The following KANSL2 variants were observed in gnomAD, a reference collection of about 807,000 sequenced individuals.
KANSL2 encodes the protein NSL complex protein NSL2.
Under a neutral mutation model 55.6 loss-of-function variants are expected in KANSL2, and 34 were observed. The observed-to-expected ratio is 0.61, with a 90% CI of 0.46 to 0.81. The LOEUF is 0.81. Ranked by LOEUF, KANSL2 falls within the 40% of genes least tolerant of loss-of-function variation. The pLI is 0.00. For missense variants in KANSL2, 502 were observed against 609.9 expected (o/e 0.82, Z 1.86); for synonymous variants, 209 against 214.3 (o/e 0.98, Z 0.22).
chr12:48,667,405 C>T, intron 7 of KANSL2: 1 of 413,536 alleles, frequency 2.4e-6, no homozygotes, highest in Non-Finnish European at 4.7e-6. Context: ...TATTTTGGGA[C>T]CCAAGTATTA....
At chr12:48,675,560 G>A (rs1254009316) in intron 4 of KANSL2, among the ~76,000 whole-genome samples, 1 of 152,142 alleles carries the variant, frequency 6.6e-6, no homozygotes. Flanking sequence ...TACTGAAAAT[G>A]AGAAAAATAA....
At chr12:48,674,824 G>A (rs1041089408) in intron 4 of KANSL2, among the ~76,000 whole-genome samples, 9 of 151,990 alleles carry the variant, frequency 5.9e-5, no homozygotes, top group African/African-American at 2.2e-4. Flanking sequence ...TACTCGGGAG[G>A]CTGAGGCAGG....
chr12:48,670,611 GTGTT>G (rs1939693922), intron 5 of KANSL2, among the ~76,000 whole-genome samples: 1 of 152,080 alleles, frequency 6.6e-6, no homozygotes, highest in East Asian at 1.9e-4. Context: ...CAGCTGTACA[GTGTT>G]TGTGTTTTAA....
intron 4 of KANSL2, among the ~76,000 whole-genome samples, chr12:48,677,538 T>C (rs180919140): frequency 5.9e-5 from 9 of 152,168 alleles, no homozygotes; most frequent in Admixed American, 1.3e-4. Context: ...TCCCAGCACT[T>C]TGGGAGGCCG....
At chr12:48,654,755 G>C (rs1299849924) in intron 9 of KANSL2, among the ~76,000 whole-genome samples, 186 bp downstream of exon 9, 2 of 152,214 alleles carry the variant, frequency 1.3e-5, no homozygotes, top group Non-Finnish European at 1.5e-5. Flanking sequence ...GTACACAGGA[G>C]CAGAGTAGGG....
intron 7 of KANSL2, among the ~76,000 whole-genome samples, chr12:48,663,967 G>A (rs1592100534): frequency 1.4e-5 from 2 of 144,102 alleles, no homozygotes; most frequent in East Asian, 4.1e-4. Flanking sequence ...GCCCAGGCTG[G>A]AGTGCAATGG....
At chr12:48,660,227 A>G (rs1939462881) in intron 8 of KANSL2, 139 bp downstream of exon 8, 1 of 797,478 alleles carries the variant, frequency 1.3e-6, no homozygotes, top group East Asian at 2.7e-5. Flanking sequence ...ATATGCTAAC[A>G]TATAAATACA....
intron 6 of KANSL2, among the ~76,000 whole-genome samples, chr12:48,668,341 T>C (rs1439833585): frequency 2.6e-5 from 4 of 152,240 alleles, no homozygotes; most frequent in African/African-American, 4.8e-5. Context: ...ATGAGAATAC[T>C]GAGGCCCAGA....
chr12:48,654,839 G>A (rs1002894069), intron 9 of KANSL2, 102 bp downstream of exon 9: 2 of 1,204,018 alleles, frequency 1.7e-6, no homozygotes, highest in African/African-American at 3.0e-5. Context: ...TACTAGTGAT[G>A]ACACCCCACT....
rs55764309 is a variant in KANSL2 at position 48,670,198 on chromosome 12, C to CAAA, written c.710-929_710-927dup. Among the ~76,000 whole-genome samples the CAAA allele has an allele frequency of 4.9e-3, 504 of 103,584 alleles. 6 individuals carry two copies. The highest frequency in any genetic ancestry group is 0.013 in the Middle Eastern group (2 of 158). The allele number at this position is 103,584 out of a possible 152,430, so 68.0% of individuals were successfully genotyped here. Reference sequence around the variant, plus strand: ...CTGGCGACAGAGTGAGACTATATCACAAAAAAAAAAAAAAAAATCTAGCAC... The same window carrying CAAA: ...CTGGCGACAGAGTGAGACTATATCACAAAAAAAAAAAAAAAAAAAATCTAGCAC... On this transcript the variant is annotated intron_variant, in intron 5 of 9. Coordinates refer to ENST00000420613, the MANE Select transcript of KANSL2 (RefSeq NM_017822.4).
At chr12:48,665,985 G>A (rs1939590458) in intron 7 of KANSL2, among the ~76,000 whole-genome samples, 1 of 152,168 alleles carries the variant, frequency 6.6e-6, no homozygotes, top group East Asian at 1.9e-4. Flanking sequence ...GGCTGAGGCG[G>A]GAGGATCACA....
intron 4 of KANSL2, among the ~76,000 whole-genome samples, chr12:48,676,228 G>A (rs1046706805): frequency 6.6e-6 from 1 of 152,016 alleles, no homozygotes; most frequent in Non-Finnish European, 1.5e-5. Context: ...TGAGCCTCTC[G>A]AGTAGTTAAG....
rs1226206090 is a variant in KANSL2, at chr12:48,667,715, T to C, written c.951A>G (p.Pro317=). The C allele has an allele frequency of 1.9e-6, 3 of 1,613,718 alleles. No individual in the cohort carries two copies. The highest frequency in any genetic ancestry group is 1.1e-5 in the South Asian group (1 of 91,062). The change falls in exon 7 of 10, where the codon CCA becomes CCG. Residue 317 remains proline, a synonymous_variant. Coordinates refer to ENST00000420613, the MANE Select transcript of KANSL2 (RefSeq NM_017822.4). ...TACGGGTAAGGCAGTGTCTGGTCAT[T>C]GGAAGAGACTGATTGGAACAACGAA... The part of the protein sequence containing the change: ...DDVRCSNQSL[P]MTRHCLTHIC...
At chr12:48,678,672 A>T (rs1168862032) in intron 4 of KANSL2, among the ~76,000 whole-genome samples, 1 of 152,168 alleles carries the variant, frequency 6.6e-6, no homozygotes, top group Non-Finnish European at 1.5e-5. Context: ...CTACAATCAC[A>T]TTATTCCTGA....
At chr12:48,671,486 T>C (rs7299359) in intron 5 of KANSL2, among the ~76,000 whole-genome samples, 5 of 152,172 alleles carry the variant, frequency 3.3e-5, no homozygotes, top group African/African-American at 7.2e-5. Flanking sequence ...CCATTCATGC[T>C]AAGTGCCCAT....
In KANSL2 at chr12:48,672,799, C is replaced by T. The variant is rs187131483; in HGVS notation, c.546-837G>A. Reference sequence around the variant, plus strand: ...TTTTTGAGACAGTCTTGCTCTGTCACCCAGGCTGGAGTGCAGTGGCACAAC... The same window carrying T: ...TTTTTGAGACAGTCTTGCTCTGTCATCCAGGCTGGAGTGCAGTGGCACAAC... On this transcript the variant is annotated intron_variant, in intron 4 of 9. Transcript: ENST00000420613. Among the ~76,000 whole-genome samples, 14 of 152,024 alleles carry T rather than the reference C, an allele frequency of 9.2e-5. No homozygotes were observed. In the East Asian group the frequency reaches 2.5e-3, roughly 27 times the overall value.
intron 2 of KANSL2, chr12:48,680,091 G>C (rs778611740): frequency 5.1e-6 from 2 of 389,462 alleles, no homozygotes; most frequent in African/African-American, 2.0e-5. Context: ...ATTGGGTCTT[G>C]CTCTGTTGCC....
At chr12:48,661,919 C>T (rs1024840677) in intron 7 of KANSL2, among the ~76,000 whole-genome samples, 9 of 152,134 alleles carry the variant, frequency 5.9e-5, no homozygotes, top group African/African-American at 2.2e-4. Context: ...CAGTTGAAAA[C>T]CACTACTCTA....
chr12:48,673,112 C>G (rs1038606199), intron 4 of KANSL2, among the ~76,000 whole-genome samples: 1 of 152,110 alleles, frequency 6.6e-6, no homozygotes, highest in Non-Finnish European at 1.5e-5. Context: ...CATATGGACC[C>G]TCAAATAACT....
Sources: gnomAD v4.1 joint callset for allele counts (sites outside exome capture counted in the v4.1 genomes callset) on GRCh38, gnomAD v4.1.1 for gene constraint, MANE v1.5 for transcripts, NCBI Gene and HGNC (gene_info 2026-07-23, HGNC 2026-07-21) for gene names.